RAD51B: variants seen among roughly 807,000 people sequenced by gnomAD.
RAD51B encodes RAD51 paralog B.
In RAD51B, 38 loss-of-function variants were observed where a neutral mutation model predicts 42.2. That is an observed-to-expected ratio of 0.90 (90% CI 0.70 to 1.18). The LOEUF is 1.18. Ranked by LOEUF, RAD51B falls within the 50% of genes most tolerant of loss-of-function variation. The probability of loss-of-function intolerance (pLI) is 0.00; values close to 1 mark genes in which losing one functional copy is unlikely to be tolerated. For missense variants in RAD51B, 373 were observed against 400.7 expected (o/e 0.93, Z 0.59); for synonymous variants, 154 against 145.2 (o/e 1.06, Z -0.43).
chr14:68,475,724 T>C (rs1431698895), intron 10 of RAD51B, among the ~76,000 whole-genome samples: 1 of 151,998 alleles, frequency 6.6e-6, no homozygotes, highest in Non-Finnish European at 1.5e-5. Context: ...TCAGTTGAAA[T>C]AACATTATTG....
At chr14:67,930,298 A>C (rs1024225251) in intron 7 of RAD51B, among the ~76,000 whole-genome samples, 2 of 149,064 alleles carry the variant, frequency 1.3e-5, no homozygotes, top group African/African-American at 4.9e-5. Context: ...TTGCTTTACC[A>C]GTTAGTTTTA....
At chr14:68,283,736 G>A (rs1047053441) in intron 7 of RAD51B, among the ~76,000 whole-genome samples, 3 of 152,172 alleles carry the variant, frequency 2.0e-5, no homozygotes, top group Admixed American at 6.5e-5. Context: ...CAGTGGGGCA[G>A]CCAGCAGTGG....
At chr14:68,600,158 T>C (rs1320118595), downstream of RAD51B, among the ~76,000 whole-genome samples, 1 of 152,190 alleles carries the variant, frequency 6.6e-6, no homozygotes, top group Non-Finnish European at 1.5e-5. Flanking sequence ...TGATTTTCTG[T>C]ACAGCTACTC....
intron 8 of RAD51B, among the ~76,000 whole-genome samples, chr14:68,333,735 C>G (rs1023079135): frequency 1.3e-5 from 2 of 152,142 alleles, no homozygotes; most frequent in African/African-American, 4.8e-5. Flanking sequence ...ATGGTTAAAT[C>G]TAGCTAATTA....
chr14:68,001,383 G>T (rs115123245), intron 7 of RAD51B, among the ~76,000 whole-genome samples: 2 of 151,780 alleles, frequency 1.3e-5, no homozygotes, highest in African/African-American at 4.8e-5. Context: ...TATTTTTCTT[G>T]CTATATTGGT....
chr14:68,422,140 A>G (rs1419847181), intron 9 of RAD51B: 6 of 1,393,590 alleles, frequency 4.3e-6, no homozygotes, highest in Admixed American at 3.4e-5. Flanking sequence ...CGAAGGAGAC[A>G]TGGCCCAAGG....
rs1396843617 is a variant in RAD51B, at chr14:68,411,496, T to C, written c.926T>C (p.Ile309Thr). The change falls in exon 9 of 11, where the codon ATC becomes ACC. Residue 309 changes from isoleucine to threonine, a missense_variant. Ile to Thr is a moderately conservative substitution (Grantham distance 89). Coordinates refer to ENST00000471583, the MANE Select transcript of RAD51B (RefSeq NM_133510.4). The part of the protein sequence containing the change: ...TWSHSVNTRL[I>T]LQYLDSERRQ... The stretch of plus-strand genomic sequence containing the variant: ...AGTCACAGTGTGAATACCCGGCTGA[T>C]CCTCCAGTACCTTGATTCAGAGAGA... 2 of 1,614,006 alleles carry C rather than the reference T, an allele frequency of 1.2e-6. No homozygotes were observed. Among genetic ancestry groups the C allele is most frequent in the South Asian group, 2.2e-5 (2 of 91,092 alleles).
chr14:68,332,358 TA>T (rs1049269913), intron 8 of RAD51B, among the ~76,000 whole-genome samples: 29 of 152,384 alleles, frequency 1.9e-4, no homozygotes, highest in East Asian at 1.2e-3. Flanking sequence ...TTTGGTCATT[TA>T]TTTTTTTAAC....
chr14:68,162,475 G>T (rs192464634), intron 7 of RAD51B, among the ~76,000 whole-genome samples: 1 of 152,062 alleles, frequency 6.6e-6, no homozygotes, highest in Non-Finnish European at 1.5e-5. Flanking sequence ...TCTATACCAG[G>T]GGAAATAATT....
intron 10 of RAD51B, among the ~76,000 whole-genome samples, chr14:68,548,270 C>T (rs913217363): frequency 2.0e-5 from 3 of 152,212 alleles, no homozygotes; most frequent in African/African-American, 4.8e-5. Context: ...CTCACTCTCC[C>T]GCTGTGGCTC....
intron 7 of RAD51B, among the ~76,000 whole-genome samples, chr14:68,238,648 C>A (rs2080319101): frequency 6.6e-6 from 1 of 152,326 alleles, no homozygotes; most frequent in East Asian, 1.9e-4. Context: ...ATAGGTTATG[C>A]TAACCCTTAC....
At chr14:68,026,673 G>C (rs1387656663) in intron 7 of RAD51B, among the ~76,000 whole-genome samples, 1 of 151,686 alleles carries the variant, frequency 6.6e-6, no homozygotes, top group South Asian at 2.1e-4. Context: ...ACTCCTGCTT[G>C]TTTTTATTTT....
intron 10 of RAD51B, among the ~76,000 whole-genome samples, chr14:68,523,852 T>A (rs1012532518): frequency 2.6e-5 from 4 of 152,212 alleles, no homozygotes; most frequent in African/African-American, 9.7e-5. Flanking sequence ...AAGTCCATGT[T>A]GTTCAAGGGT....
chr14:68,117,011 T>C (rs1378463739), intron 7 of RAD51B, among the ~76,000 whole-genome samples: 1 of 152,214 alleles, frequency 6.6e-6, no homozygotes. Context: ...AACAATGTTA[T>C]TACATGTGTT....
At chr14:68,588,881 A>G (rs1464115797) in intron 10 of RAD51B, among the ~76,000 whole-genome samples, 1 of 152,230 alleles carries the variant, frequency 6.6e-6, no homozygotes, top group African/African-American at 2.4e-5. Flanking sequence ...GAGGGTCTGC[A>G]GGGACCTCAA....
chr14:68,504,541 T>C (rs375533167), intron 10 of RAD51B, among the ~76,000 whole-genome samples: 2 of 152,012 alleles, frequency 1.3e-5, no homozygotes, highest in African/African-American at 2.4e-5. Flanking sequence ...GCTGGGCCCA[T>C]GCATGATGCT....
At chr14:68,496,316 GCCTCCTCTCCTCTTGTAGCCATATTC>G (rs1459600679) in intron 10 of RAD51B, among the ~76,000 whole-genome samples, 1 of 152,218 alleles carries the variant, frequency 6.6e-6, no homozygotes, top group Non-Finnish European at 1.5e-5. Context: ...TGCCCCGGCA[GCCTCCTCTCCTCTTGTAGCCATATTC>G]CCTCCTCTCC....
chr14:67,955,563 T>C (rs1595162474), intron 7 of RAD51B, among the ~76,000 whole-genome samples: 2 of 148,616 alleles, frequency 1.3e-5, no homozygotes, highest in Admixed American at 6.7e-5. Flanking sequence ...CCAAATTACA[T>C]GCCTAATGTG....
At chr14:67,904,572 G>A (rs1441535362) in intron 7 of RAD51B, among the ~76,000 whole-genome samples, 1 of 147,590 alleles carries the variant, frequency 6.8e-6, no homozygotes, top group Non-Finnish European at 1.5e-5. Flanking sequence ...GTGCAGAGGT[G>A]CGATCTCGGC....
Sources: allele counts gnomAD v4.1 joint callset (sites outside exome capture counted in the v4.1 genomes callset), GRCh38; gene constraint gnomAD v4.1.1; transcripts MANE v1.5; gene names NCBI Gene and HGNC (gene_info 2026-07-23, HGNC 2026-07-21).